MCF2L: variants seen among roughly 807,000 people sequenced by gnomAD.
MCF2L encodes guanine nucleotide exchange factor DBS.
MCF2L carries 97 observed loss-of-function variants against 153.4 expected under a neutral mutation model. That is an observed-to-expected ratio of 0.63 (90% CI 0.54 to 0.75). MCF2L has a LOEUF of 0.75. Among genes scored for constraint, MCF2L ranks in the 30% least tolerant of loss-of-function variants. MCF2L has a pLI of 0.00. For missense variants in MCF2L, 1,347 were observed against 1,495.2 expected (o/e 0.90, Z 1.64); for synonymous variants, 659 against 632.2 (o/e 1.04, Z -0.64).
intron 1 of MCF2L, among the ~76,000 whole-genome samples, chr13:112,987,382 C>G (rs1438859056): frequency 2.0e-5 from 3 of 152,234 alleles, no homozygotes; most frequent in African/African-American, 7.2e-5. Flanking sequence ...GCACCAGCAC[C>G]CATTGGTCTT....
chr13:112,988,881 C>T (rs2082770692), intron 1 of MCF2L, among the ~76,000 whole-genome samples: 1 of 114,978 alleles, frequency 8.7e-6, no homozygotes, highest in African/African-American at 3.6e-5. Flanking sequence ...ATGGAGCTAC[C>T]ACGCCCGAGT....
Position 113,045,756 on chromosome 13 carries a change from G to A in MCF2L, c.369+395G>A, listed in dbSNP as rs112421602. ...CTGTGACACTGAACGAGCCACCACC[G>A]CCTCCCTTCCCCAGTGGGATTGAAC... On this transcript the variant is annotated intron_variant, in intron 4 of 29. Coordinates refer to ENST00000535094, the MANE Select transcript of MCF2L (RefSeq NM_001112732.3). The surrounding 1 kb of genome is among the most constrained non-coding windows in gnomAD (Gnocchi z 4.2). 63 of 246,932 alleles carry A rather than the reference G, an allele frequency of 2.6e-4. No individual in the cohort carries two copies. Among genetic ancestry groups the A allele is most frequent in the Middle Eastern group, 1.5e-3 (1 of 658 alleles). The allele number at this position is 246,932 out of a possible 1,614,324, so 15.3% of individuals were successfully genotyped here.
chr13:112,935,495 G>A (rs1190924648), intron 2 of MCF2L, among the ~76,000 whole-genome samples: 1 of 152,132 alleles, frequency 6.6e-6, no homozygotes, highest in Non-Finnish European at 1.5e-5. Flanking sequence ...GACCTCAGGT[G>A]ATCCACCTGT....
chr13:112,908,509 C>T (rs1241315102), intron 2 of MCF2L, among the ~76,000 whole-genome samples: 1 of 152,178 alleles, frequency 6.6e-6, no homozygotes. Flanking sequence ...CTTCTCAGAG[C>T]CAGAGCCGAT....
intron 1 of MCF2L, among the ~76,000 whole-genome samples, chr13:113,010,883 T>C (rs2084050332): frequency 6.6e-6 from 1 of 152,184 alleles, no homozygotes; most frequent in Non-Finnish European, 1.5e-5. Flanking sequence ...CCTGCCTGCA[T>C]CTCCTCTGGG....
intron 1 of MCF2L, among the ~76,000 whole-genome samples, chr13:112,998,057 G>C (rs1172996303): frequency 6.6e-6 from 1 of 152,206 alleles, no homozygotes; most frequent in East Asian, 1.9e-4. Context: ...AGGGCCCCGG[G>C]GTCCACTGGG....
At chr13:112,901,208 C>T (rs984896072) in intron 1 of MCF2L, among the ~76,000 whole-genome samples, 18 of 152,074 alleles carry the variant, frequency 1.2e-4, no homozygotes, top group African/African-American at 3.4e-4. Flanking sequence ...GGCTGGAGTG[C>T]GGTGGTGCAA....
In MCF2L at chr13:113,064,209, C is replaced by T; in HGVS notation, c.490-95C>T. ...CCCGCAGCATCCAGGCAGACGTGGT[C>T]CTCTCTGTGCTGCTGGGTGTTCTGC... On this transcript the variant is annotated intron_variant, in intron 5 of 29. Coordinates refer to ENST00000535094, the MANE Select transcript of MCF2L (RefSeq NM_001112732.3). The surrounding 1 kb of genome is among the most constrained non-coding windows in gnomAD (Gnocchi z 6.0). The T allele has an allele frequency of 8.8e-6, 8 of 907,844 alleles. No homozygotes were observed. Among genetic ancestry groups the T allele is most frequent in the South Asian group, 8.1e-5 (6 of 73,872 alleles). 56.2% of individuals were successfully genotyped at this position (907,844 alleles called of 1,614,324 possible).
At chr13:112,979,898 T>A in intron 1 of MCF2L, 1 of 741,898 alleles carries the variant, frequency 1.3e-6, no homozygotes, top group Non-Finnish European at 2.1e-6. Flanking sequence ...GGAGACTTCT[T>A]AAAAAGGTAG....
At chr13:112,995,301 C>G (rs1295033888) in intron 1 of MCF2L, among the ~76,000 whole-genome samples, 1 of 152,196 alleles carries the variant, frequency 6.6e-6, no homozygotes, top group Non-Finnish European at 1.5e-5. Flanking sequence ...CCTGAACATG[C>G]CTGTTTGCTG....
At chr13:112,969,202 C>T (rs964679627), upstream of MCF2L, 10 of 1,098,044 alleles carry the variant, frequency 9.1e-6, no homozygotes, top group African/African-American at 3.3e-5. The surrounding 1 kb of genome is among the most constrained non-coding windows in gnomAD (Gnocchi z 4.8). Flanking sequence ...CGCGCGCCCC[C>T]CTCCCGGTGG....
At chr13:113,016,263 A>G (rs941443734) in intron 2 of MCF2L, among the ~76,000 whole-genome samples, 5 of 152,168 alleles carry the variant, frequency 3.3e-5, no homozygotes, top group Admixed American at 3.3e-4. Flanking sequence ...TCCTGGCATG[A>G]GGGATCCCAG....
chr13:113,083,029 C>A (rs1047896352), intron 17 of MCF2L, among the ~76,000 whole-genome samples: 1 of 152,214 alleles, frequency 6.6e-6, no homozygotes, highest in Admixed American at 6.5e-5. Flanking sequence ...GGCTGCTTGT[C>A]CCCCGAGCGA....
chr13:112,953,020 C>T (rs2081712551), intron 2 of MCF2L, among the ~76,000 whole-genome samples: 1 of 152,220 alleles, frequency 6.6e-6, no homozygotes, highest in Non-Finnish European at 1.5e-5. Context: ...ATGGGATGGG[C>T]CCGAGGGCTG....
Position 113,035,930 on chromosome 13 carries a change from G to A in MCF2L, c.279-9341G>A, listed in dbSNP as rs180743901. Among the ~76,000 whole-genome samples, 3 of 152,278 alleles carry A rather than the reference G, an allele frequency of 2.0e-5. No homozygotes were observed. The East Asian group carries it at 5.8e-4, about 29-fold the overall frequency. ...GGGGCCTTCCTCTCTGGTACAGCAGGGGCCTAAGGGATGTTTGACCTCAGC... is the reference window on the plus strand; with the variant it reads ...GGGGCCTTCCTCTCTGGTACAGCAGAGGCCTAAGGGATGTTTGACCTCAGC... On this transcript the variant is annotated intron_variant, in intron 3 of 29. Transcript: ENST00000535094. The surrounding 1 kb of genome is among the most constrained non-coding windows in gnomAD (Gnocchi z 4.4).
chr13:112,899,986 C>T (rs1021935181), intron 1 of MCF2L, among the ~76,000 whole-genome samples: 4 of 152,152 alleles, frequency 2.6e-5, no homozygotes, highest in African/African-American at 9.7e-5. Flanking sequence ...GGATGTAGCC[C>T]TCATGCCTGG....
chr13:112,920,373 T>TTG (rs150232536), intron 2 of MCF2L, among the ~76,000 whole-genome samples: 13 of 152,108 alleles, frequency 8.5e-5, no homozygotes, highest in Middle Eastern at 3.4e-3. Context: ...TGCTGCTGGC[T>TTG]TGTGTGTGTG....
chr13:112,929,155 G>A (rs1374626219), intron 2 of MCF2L, among the ~76,000 whole-genome samples: 6 of 152,232 alleles, frequency 3.9e-5, no homozygotes, highest in Non-Finnish European at 8.8e-5. Context: ...GGGAGCTCCA[G>A]CTGTTGGCTC....
chr13:112,964,644 C>A (rs1485569930), upstream of MCF2L, among the ~76,000 whole-genome samples: 1 of 152,128 alleles, frequency 6.6e-6, no homozygotes, highest in African/African-American at 2.4e-5. Flanking sequence ...TTATGACAGT[C>A]AAGAATCACT....
Sources: allele counts gnomAD v4.1 joint callset (sites outside exome capture counted in the v4.1 genomes callset), GRCh38; gene constraint gnomAD v4.1.1; non-coding constraint Gnocchi (gnomAD v3.1); transcripts MANE v1.5; gene names NCBI Gene and HGNC (gene_info 2026-07-23, HGNC 2026-07-21).